Variants in FBXL17 observed in about 807,000 individuals in gnomAD.
FBXL17 encodes F-box and leucine rich repeat protein 17, also known as F-box/LRR-repeat protein 17.
A neutral mutation model predicts 66.2 loss-of-function variants in FBXL17; 22 were observed. The ratio of observed to expected loss-of-function variants is 0.33; its 90% CI spans 0.24 to 0.47. The LOEUF (loss-of-function observed/expected upper bound fraction) is 0.47. Among genes scored for constraint, FBXL17 ranks in the 20% least tolerant of loss-of-function variants. FBXL17 has a pLI of 1.00. For synonymous variants in FBXL17, 474 were observed against 400.5 expected (o/e 1.18, Z -2.19); for missense variants, 878 against 948.2 (o/e 0.93, Z 0.97).
intron 1 of FBXL17, among the ~76,000 whole-genome samples, chr5:108,373,098 TAAC>T (rs1749149102): frequency 6.6e-6 from 1 of 150,416 alleles, no homozygotes; most frequent in African/African-American, 2.4e-5. Context: ...GTGTTAATTA[TAAC>T]CCCCAGGGTA....
At chr5:107,902,691 T>C (rs868683850) in intron 7 of FBXL17, among the ~76,000 whole-genome samples, 2 of 152,216 alleles carry the variant, frequency 1.3e-5, no homozygotes, top group Non-Finnish European at 2.9e-5. Context: ...TCTAAAAATA[T>C]CTTTTAGTAC....
Position 108,007,211 on chromosome 5 carries a change from C to T in FBXL17, c.1822+13714G>A, listed in dbSNP as rs949358812. 4.8e-4 allele frequency among the ~76,000 whole-genome samples: 73 copies of T among 152,040 alleles called. 3 individuals are homozygous for T. The highest frequency in any genetic ancestry group is 4.4e-5 in the Non-Finnish European group (3 of 68,010). On this transcript the variant is annotated intron_variant, in intron 7 of 8. Coordinates refer to ENST00000542267, the MANE Select transcript of FBXL17 (RefSeq NM_001163315.3). ...TTGTTAGTGAGGGTCCAATTTAGGC[C>T]CTGGAGTCCATCTTTTCTGTAGTAG...
At chr5:108,081,546 C>G (rs969199343) in intron 6 of FBXL17, among the ~76,000 whole-genome samples, 1 of 151,880 alleles carries the variant, frequency 6.6e-6, no homozygotes, top group Non-Finnish European at 1.5e-5. Context: ...ACGGTGAAAC[C>G]CCGTCTCTAC....
At chr5:108,290,255 C>A (rs1325439176) in intron 4 of FBXL17, among the ~76,000 whole-genome samples, 1 of 152,068 alleles carries the variant, frequency 6.6e-6, no homozygotes, top group East Asian at 1.9e-4. Context: ...ATGGCAATAG[C>A]AAAGGCACAC....
chr5:108,010,032 G>A (rs956389969), intron 7 of FBXL17, among the ~76,000 whole-genome samples: 1 of 152,118 alleles, frequency 6.6e-6, no homozygotes, highest in African/African-American at 2.4e-5. Flanking sequence ...TATATATTGA[G>A]AGAGAAGTTG....
chr5:108,299,368 T>G, intron 4 of FBXL17: 3 of 984,268 alleles, frequency 3.0e-6, no homozygotes, highest in Non-Finnish European at 3.6e-6. Context: ...ATAGTACAGT[T>G]TTCAAACTAC....
rs190496514 is a variant in FBXL17 at position 108,191,927 on chromosome 5, T to A, written c.1615-5680A>T. Among the ~76,000 whole-genome samples, 12 of 152,344 alleles carry A rather than the reference T, an allele frequency of 7.9e-5. No individual in the cohort carries two copies. In the East Asian group the frequency reaches 1.5e-3, roughly 20 times the overall value. On this transcript the variant is annotated intron_variant, in intron 5 of 8. Transcript: ENST00000542267. ...TCTTTTTTCATGAGCTGACAGTCAC[T>A]GCATTCACATGGCCTTCCCTATAAC...
chr5:108,150,167 C>G (rs169592), intron 6 of FBXL17, among the ~76,000 whole-genome samples: 3,122 of 152,226 alleles, frequency 0.021, 117 homozygotes, highest in African/African-American at 0.07. Flanking sequence ...CTCCTAAGTA[C>G]TAGGACAGTC....
At chr5:107,935,498 T>C (rs1750876316) in intron 7 of FBXL17, among the ~76,000 whole-genome samples, 2 of 151,898 alleles carry the variant, frequency 1.3e-5, no homozygotes, top group East Asian at 3.9e-4. Flanking sequence ...GTATTGTCAG[T>C]GGTAATGGAA....
At chr5:108,225,773 A>T (rs1321034080) in intron 4 of FBXL17, among the ~76,000 whole-genome samples, 1 of 152,174 alleles carries the variant, frequency 6.6e-6, no homozygotes, top group Non-Finnish European at 1.5e-5. Context: ...ATCTCATAGT[A>T]ATCAAGGTTT....
At chr5:108,315,617 T>TA (rs1435452106) in intron 4 of FBXL17, among the ~76,000 whole-genome samples, 94 of 149,208 alleles carry the variant, frequency 6.3e-4, no homozygotes, top group Admixed American at 1.3e-3. Context: ...TGAACCTTGT[T>TA]AAAAAAAAAG....
chr5:108,204,233 C>T (rs1238028803), intron 5 of FBXL17, among the ~76,000 whole-genome samples: 2 of 151,874 alleles, frequency 1.3e-5, no homozygotes, highest in African/African-American at 4.8e-5. Context: ...GAGATAGGAT[C>T]TCGCTGATTG....
At chr5:108,059,509 T>C (rs1338526845) in intron 6 of FBXL17, among the ~76,000 whole-genome samples, 1 of 152,202 alleles carries the variant, frequency 6.6e-6, no homozygotes, top group Admixed American at 6.5e-5. Context: ...CAACCCATCT[T>C]GCACAACCTG....
At chr5:108,194,365 T>TA (rs1753592766) in intron 5 of FBXL17, among the ~76,000 whole-genome samples, 1 of 152,038 alleles carries the variant, frequency 6.6e-6, no homozygotes, top group African/African-American at 2.4e-5. Flanking sequence ...TTTTGATTAA[T>TA]ATAGAGAGGA....
intron 5 of FBXL17, among the ~76,000 whole-genome samples, chr5:108,200,805 A>G (rs925913761): frequency 1.3e-5 from 2 of 152,130 alleles, no homozygotes; most frequent in African/African-American, 4.8e-5. Context: ...ATACACTGTG[A>G]TCAACAGCTT....
intron 7 of FBXL17, among the ~76,000 whole-genome samples, chr5:108,006,728 G>A (rs761877154): frequency 3.9e-5 from 6 of 152,184 alleles, no homozygotes; most frequent in African/African-American, 4.8e-5. Context: ...TCAAAACGCA[G>A]CTTTAAGTGT....
chr5:108,380,947 G>C lies in FBXL17; in HGVS notation c.745C>G (p.Gln249Glu), dbSNP rs933040811. 4.1e-6 allele frequency: 5 copies of C among 1,221,836 alleles called. No homozygotes were observed. The highest frequency in any genetic ancestry group is 5.1e-6 in the Non-Finnish European group (5 of 980,026). 75.7% of individuals were successfully genotyped at this position (1,221,836 alleles called of 1,614,324 possible). A position where few individuals can be genotyped will look rare whatever the true frequency, so the allele number is the denominator to read the frequency against. The change falls in exon 1 of 9, where the codon CAG (glutamine) becomes GAG (glutamate). Residue 249 changes from glutamine to glutamate, a missense_variant. Gln to Glu is a conservative substitution (Grantham distance 29). This residue lies in a region of FBXL17 where 605 missense variants were observed against 509.5 expected (regional missense o/e 1.19). Transcript: ENST00000542267. ...GGCTGCGGGGGCTGCTCCGGGGCCT[G>C]GCAGCAGCCGGCGTCGGGGGGCCGG... ...PPRPPDAGCC[Q>E]APEQPPQPLC...
intron 4 of FBXL17, among the ~76,000 whole-genome samples, chr5:108,309,902 C>T (rs1044661791): frequency 3.9e-5 from 6 of 152,024 alleles, no homozygotes; most frequent in African/African-American, 1.2e-4. Flanking sequence ...CATCTACTTA[C>T]ATTTGCAACA....
At chr5:108,179,387 A>C (rs1752914008) in intron 6 of FBXL17, among the ~76,000 whole-genome samples, 2 of 152,120 alleles carry the variant, frequency 1.3e-5, no homozygotes, top group South Asian at 4.1e-4. Context: ...GTAATCTGTC[A>C]CTCTACAACT....
Sources: allele counts gnomAD v4.1 joint callset (sites outside exome capture counted in the v4.1 genomes callset), GRCh38; gene constraint gnomAD v4.1.1; regional missense constraint gnomAD v4.1.1; transcripts MANE v1.5; gene names NCBI Gene and HGNC (gene_info 2026-07-23, HGNC 2026-07-21).